GALNT18: variants seen among roughly 807,000 people sequenced by gnomAD.
The protein encoded by GALNT18 is GalNAc-transferase 18.
A neutral mutation model predicts 69.5 loss-of-function variants in GALNT18; 44 were observed. The observed-to-expected ratio is 0.63, with a 90% CI of 0.50 to 0.81. The LOEUF (loss-of-function observed/expected upper bound fraction) is 0.81, where lower values mean the gene tolerates loss of function less well. Among genes scored for constraint, GALNT18 ranks in the 40% least tolerant of loss-of-function variants. The pLI is 0.00. For synonymous variants in GALNT18, 364 were observed against 318.2 expected (o/e 1.14, Z -1.53); for missense variants, 715 against 810.0 (o/e 0.88, Z 1.42).
chr11:11,599,416 T>C (rs115784799), intron 1 of GALNT18, among the ~76,000 whole-genome samples: 1,892 of 152,144 alleles, frequency 0.012, 47 homozygotes, highest in African/African-American at 0.044. Flanking sequence ...ATATAGCCCC[T>C]CCAGATTTCT....
rs768251116 is a variant in GALNT18, at chr11:11,349,476, T to C, written c.1093-8472A>G. Among the ~76,000 whole-genome samples the C allele has an allele frequency of 2.6e-4, 39 of 152,334 alleles. No individual in the cohort carries two copies. The Middle Eastern group carries it at 0.014, about 53-fold the overall frequency. On this transcript the variant is annotated intron_variant, in intron 6 of 10. Transcript: ENST00000227756. ...TTTGACATTGTCCAACTTTAAAATTTTTGCCAATCTGATGGGCAAGAAATT... is the reference window on the plus strand; with the variant it reads ...TTTGACATTGTCCAACTTTAAAATTCTTGCCAATCTGATGGGCAAGAAATT...
At chr11:11,381,398 C>T (rs1311989278) in intron 3 of GALNT18, among the ~76,000 whole-genome samples, 1 of 152,170 alleles carries the variant, frequency 6.6e-6, no homozygotes, top group Non-Finnish European at 1.5e-5. Context: ...GGATACCTGT[C>T]CCCTTCTCTC....
rs1365155226 is a variant in GALNT18 at position 11,523,660 on chromosome 11, A to G, written c.236-74724T>C. Among the ~76,000 whole-genome samples, 1 of 151,568 alleles carries G rather than the reference A, an allele frequency of 6.6e-6. No individual in the cohort carries two copies. Among genetic ancestry groups the G allele is most frequent in the Non-Finnish European group, 1.5e-5 (1 of 67,922 alleles). On this transcript the variant is annotated intron_variant, in intron 1 of 10. Transcript: ENST00000227756. The surrounding 1 kb of genome is among the most constrained non-coding windows in gnomAD (Gnocchi z 4.3). The stretch of plus-strand genomic sequence containing the variant: ...TGAGAACCCGGGAGGAAGAGGTTGC[A>G]GTGAGCCGAGATCGCACCACTGCAC...
chr11:11,281,392 T>A (rs183938086), intron 10 of GALNT18, among the ~76,000 whole-genome samples: 2 of 152,206 alleles, frequency 1.3e-5, no homozygotes, highest in African/African-American at 2.4e-5. Context: ...ACCGTACGGA[T>A]CGGAGGATCA....
At chr11:11,278,211 G>GTT (rs1194609926) in intron 10 of GALNT18, among the ~76,000 whole-genome samples, 32 of 152,038 alleles carry the variant, frequency 2.1e-4, no homozygotes, top group Non-Finnish European at 3.4e-4. Context: ...CCATAATGGT[G>GTT]GGAGACTTTA....
At position 11,382,169 on chromosome 11, in the gene GALNT18, C is replaced by T. The variant is rs1853937025; in HGVS notation, c.596-2905G>A. Reference sequence around the variant, plus strand: ...ATTCCATCCCCAGTTAGTTGCATCCCAAACATGTGCTGCTGATTAGAAGAG... The same window carrying T: ...ATTCCATCCCCAGTTAGTTGCATCCTAAACATGTGCTGCTGATTAGAAGAG... On this transcript the variant is annotated intron_variant, in intron 3 of 10. Coordinates refer to ENST00000227756, the MANE Select transcript of GALNT18 (RefSeq NM_198516.3). This position sits in a 1 kb window ranked among gnomAD's most constrained non-coding sequence, Gnocchi z 4.3. Among the ~76,000 whole-genome samples the T allele has an allele frequency of 6.6e-6, 1 of 152,128 alleles. No individual in the cohort carries two copies. The highest frequency in any genetic ancestry group is 1.5e-5 in the Non-Finnish European group (1 of 68,016).
chr11:11,447,305 C>T (rs576261621), intron 2 of GALNT18, among the ~76,000 whole-genome samples: 8 of 152,300 alleles, frequency 5.3e-5, no homozygotes, highest in African/African-American at 1.9e-4. Context: ...CTTCTCTGAC[C>T]ACGCAGGAAA....
At chr11:11,300,616 A>G (rs1299058616) in intron 9 of GALNT18, among the ~76,000 whole-genome samples, 1 of 152,166 alleles carries the variant, frequency 6.6e-6, no homozygotes, top group Non-Finnish European at 1.5e-5. Context: ...GGTGATTGCA[A>G]ACTTTTACGA....
intron 9 of GALNT18, among the ~76,000 whole-genome samples, chr11:11,325,254 A>G (rs940173212): frequency 1.3e-5 from 2 of 152,244 alleles, no homozygotes; most frequent in Non-Finnish European, 2.9e-5. Context: ...GTAATCCAGG[A>G]ATGAAAAACC....
At chr11:11,388,135 T>C (rs1033097279) in intron 3 of GALNT18, among the ~76,000 whole-genome samples, 5 of 152,176 alleles carry the variant, frequency 3.3e-5, no homozygotes, top group African/African-American at 1.2e-4. Flanking sequence ...AATTCAGCCT[T>C]ATCAAGTTAC....
Position 11,383,619 on chromosome 11 carries a change from C to T in GALNT18, c.596-4355G>A, listed in dbSNP as rs1853973784. Among the ~76,000 whole-genome samples the T allele has an allele frequency of 6.6e-6, 1 of 152,020 alleles. No homozygotes were observed. The highest frequency in any genetic ancestry group is 1.5e-5 in the Non-Finnish European group (1 of 68,018). ...ACATAGAAATGAAGTGAGAGTTCAC[C>T]CATTCATTCATTCATTCATTCAACA... On this transcript the variant is annotated intron_variant, in intron 3 of 10. Transcript: ENST00000227756. This position sits in a 1 kb window ranked among gnomAD's most constrained non-coding sequence, Gnocchi z 5.2.
chr11:11,324,565 A>G (rs1849886614), intron 9 of GALNT18, among the ~76,000 whole-genome samples: 1 of 152,212 alleles, frequency 6.6e-6, no homozygotes, highest in African/African-American at 2.4e-5. Context: ...CCATGCCAAC[A>G]TCTATTGGTT....
chr11:11,393,950 A>T (rs1014379851), intron 3 of GALNT18, among the ~76,000 whole-genome samples: 4 of 152,198 alleles, frequency 2.6e-5, no homozygotes, highest in Non-Finnish European at 5.9e-5. Flanking sequence ...CATGTGTTCA[A>T]CTGGCAGATA....
intron 10 of GALNT18, among the ~76,000 whole-genome samples, chr11:11,278,291 C>T (rs917799769): frequency 6.7e-6 from 1 of 150,328 alleles, no homozygotes; most frequent in Non-Finnish European, 1.5e-5. Context: ...GACTTGAACT[C>T]AGCTCTGGAC....
rs576946739 is a variant in GALNT18 at position 11,461,193 on chromosome 11, A to T, written c.236-12257T>A. ...CCCACTCCACTCCTGACGGGCTGGC[A>T]CTGCTGGGTCTTTCCTCCCCTGCAA... On this transcript the variant is annotated intron_variant, in intron 1 of 10. Transcript: ENST00000227756. This position sits in a 1 kb window ranked among gnomAD's most constrained non-coding sequence, Gnocchi z 4.1. 6.5e-4 allele frequency among the ~76,000 whole-genome samples: 99 copies of T among 152,280 alleles called. 2 individuals carry two copies. Among genetic ancestry groups the T allele is most frequent in the Non-Finnish European group, 1.2e-3 (83 of 68,020 alleles).
At chr11:11,326,083 C>T (rs1051898837) in intron 9 of GALNT18, among the ~76,000 whole-genome samples, 6 of 139,232 alleles carry the variant, frequency 4.3e-5, no homozygotes, top group East Asian at 2.2e-4. Flanking sequence ...CTCGCTCTGT[C>T]GCCCAGGCCG....
In GALNT18 at chr11:11,432,696, T is replaced by C. The variant is rs566381503; in HGVS notation, c.520A>G (p.Ile174Val). The part of the protein sequence containing the change: ...NEALSVLLRS[I>V]HSAMERTPPH... ...GGCGTGCGTTCCATGGCCGAGTGGATGGAGCGCAGCAGCACTGAAAGCGCT... is the reference window on the plus strand; with the variant it reads ...GGCGTGCGTTCCATGGCCGAGTGGACGGAGCGCAGCAGCACTGAAAGCGCT... Residue 174 changes from isoleucine (I) to valine (V), a missense_variant, in exon 3 of 11, where the codon ATC becomes GTC. Ile to Val is a conservative substitution (Grantham distance 29). Coordinates refer to ENST00000227756, the MANE Select transcript of GALNT18 (RefSeq NM_198516.3). The surrounding 1 kb of genome is among the most constrained non-coding windows in gnomAD (Gnocchi z 5.8). The C allele has an allele frequency of 6.2e-7, 1 of 1,613,734 alleles. No homozygotes were observed. Among genetic ancestry groups the C allele is most frequent in the Non-Finnish European group, 8.5e-7 (1 of 1,179,874 alleles).
intron 10 of GALNT18, among the ~76,000 whole-genome samples, chr11:11,276,283 T>C (rs145300012): frequency 0.034 from 5,108 of 152,216 alleles, 280 homozygotes; most frequent in African/African-American, 0.12. Flanking sequence ...TATTTTATTC[T>C]CTTTGTAGCA....
intron 9 of GALNT18, among the ~76,000 whole-genome samples, chr11:11,304,762 C>T (rs1210986625): frequency 2.0e-5 from 3 of 152,132 alleles, no homozygotes; most frequent in Non-Finnish European, 4.4e-5. Context: ...GGAACGTGAG[C>T]GGGAGTGACA....
Sources: gnomAD v4.1 joint callset for allele counts (sites outside exome capture counted in the v4.1 genomes callset) on GRCh38, gnomAD v4.1.1 for gene constraint, Gnocchi (gnomAD v3.1) non-coding constraint, MANE v1.5 for transcripts, NCBI Gene and HGNC (gene_info 2026-07-23, HGNC 2026-07-21) for gene names.